CLN6: variants seen among roughly 807,000 people sequenced by gnomAD.
The protein encoded by CLN6 is ceroid-lipofuscinosis neuronal protein 6.
In CLN6, 22 loss-of-function variants were observed where a neutral mutation model predicts 33.3. The ratio of observed to expected loss-of-function variants is 0.66; its 90% CI spans 0.47 to 0.94. CLN6 has a LOEUF of 0.94. CLN6 is among the 40% of genes least tolerant of loss of function. CLN6 has a pLI of 0.00. For synonymous variants in CLN6, 201 were observed against 174.6 expected, an observed-to-expected ratio of 1.15 and a Z score of -1.19; for missense variants, 387 against 417.1, an observed-to-expected ratio of 0.93 and a Z score of 0.63.
intron 2 of CLN6, chr15:68,218,306 A>G: frequency 2.1e-6 from 1 of 467,298 alleles, no homozygotes; most frequent in South Asian, 2.0e-5. Context: ...CAGGACCACC[A>G]GTTCCCCCAT....
intron 1 of CLN6, among the ~76,000 whole-genome samples, chr15:68,249,759 CTATTGGACATTTCTTAT>C (rs1418847334): frequency 3.9e-4 from 60 of 152,232 alleles, no homozygotes; most frequent in Non-Finnish European, 3.5e-4. Context: ...TAACATTAAT[CTATTGGACATTTCTTAT>C]TATTTTTTTG....
chr15:68,210,601 C>T lies in CLN6; in HGVS notation c.542+662G>A, dbSNP rs974247905. 6.6e-6 allele frequency among the ~76,000 whole-genome samples: 1 copy of T among 152,222 alleles called. No individual in the cohort carries two copies. Among genetic ancestry groups the T allele is most frequent in the African/African-American group, 2.4e-5 (1 of 41,462 alleles). On this transcript the variant is annotated intron_variant, in intron 5 of 6. Coordinates refer to ENST00000249806, the MANE Select transcript of CLN6 (RefSeq NM_017882.3). This position sits in a 1 kb window ranked among gnomAD's most constrained non-coding sequence, Gnocchi z 5.6. Reference sequence around the variant, plus strand: ...GCTGCAGCCTTCGGAGCCCTCCTCCCTCTGGCCTCAGTTTCTCCTGGGTAA... The same window carrying T: ...GCTGCAGCCTTCGGAGCCCTCCTCCTTCTGGCCTCAGTTTCTCCTGGGTAA...
At chr15:68,222,525 G>A (rs1450608623) in intron 1 of CLN6, among the ~76,000 whole-genome samples, 20 of 150,282 alleles carry the variant, frequency 1.3e-4, no homozygotes, top group Admixed American at 2.0e-4. Context: ...TGGCCGCCCC[G>A]TCTGGGAAGT....
chr15:68,217,431 T>C (rs569649287), intron 2 of CLN6, among the ~76,000 whole-genome samples: 1 of 152,334 alleles, frequency 6.6e-6, no homozygotes, highest in South Asian at 2.1e-4. Context: ...GGTCTCATTA[T>C]ATTGCCCTGA....
chr15:68,213,213 T>C (rs921402877), intron 3 of CLN6: 2 of 150,554 alleles, frequency 1.3e-5, no homozygotes, highest in African/African-American at 2.4e-5. Context: ...TAAGCCACCA[T>C]GCCGGCCCTA....
Position 68,211,459 on chromosome 15 carries a change from G to C in CLN6, c.487-141C>G. On this transcript the variant is annotated intron_variant, in intron 4 of 6. Coordinates refer to ENST00000249806, the MANE Select transcript of CLN6 (RefSeq NM_017882.3). This position sits in a 1 kb window ranked among gnomAD's most constrained non-coding sequence, Gnocchi z 5.9. The stretch of plus-strand genomic sequence containing the variant: ...TGCCTTATTCCCTACCCGGGGCCTC[G>C]CCTTCTGTTACAGGGGCCCAGGTGG... 6.6e-7 allele frequency: 1 copy of C among 1,525,446 alleles called. No individual in the cohort carries two copies. The highest frequency in any genetic ancestry group is 9.0e-7 in the Non-Finnish European group (1 of 1,115,404). The allele number at this position is 1,525,446 out of a possible 1,614,324, so 94.5% of individuals were successfully genotyped here.
intron 1 of CLN6, among the ~76,000 whole-genome samples, chr15:68,250,073 A>G (rs984853951): frequency 2.5e-4 from 38 of 152,006 alleles, no homozygotes; most frequent in African/African-American, 8.5e-4. Context: ...GCCGGCCACT[A>G]TTGGACATTT....
chr15:68,253,950 T>A (rs980205133), intron 1 of CLN6, among the ~76,000 whole-genome samples: 1 of 151,064 alleles, frequency 6.6e-6, no homozygotes. Context: ...TTGCAGTGGC[T>A]CACTGCAAGC....
intron 1 of CLN6, among the ~76,000 whole-genome samples, chr15:68,253,276 G>C (rs962885791): frequency 1.3e-5 from 2 of 152,194 alleles, no homozygotes; most frequent in Non-Finnish European, 1.5e-5. Flanking sequence ...CATCTCAGGC[G>C]TACATCACTG....
Position 68,222,851 on chromosome 15 carries a change from T to G in CLN6, c.84-4201A>C, listed in dbSNP as rs144776325. Reference sequence around the variant, plus strand: ...CCCCAACCCCGTGCTCTCTGAAACATGTGCTGTGTCCACTCAGGGTTAAAT... The same window carrying G: ...CCCCAACCCCGTGCTCTCTGAAACAGGTGCTGTGTCCACTCAGGGTTAAAT... On this transcript the variant is annotated intron_variant, in intron 1 of 6. Transcript: ENST00000249806. Among the ~76,000 whole-genome samples the G allele has an allele frequency of 1.5e-3, 235 of 152,290 alleles. 3 individuals carry two copies. The East Asian group carries it at 0.042, about 27-fold the overall frequency.
chr15:68,229,592 C>T lies in CLN6; in HGVS notation c.-8G>A, dbSNP rs1485629658. The T allele has an allele frequency of 6.8e-7, 1 of 1,461,030 alleles. No individual in the cohort carries two copies. The highest frequency in any genetic ancestry group is 1.5e-5 in the African/African-American group (1 of 67,918). 90.5% of individuals were successfully genotyped at this position (1,461,030 alleles called of 1,614,324 possible). The stretch of plus-strand genomic sequence containing the variant: ...CCTCCGCGTCGCCTCCATGGCTGCC[C>T]CGCAGGCCCCTCGGCCCTGCCTTTC... On this transcript the variant is annotated 5_prime_UTR_variant, in exon 1 of 7. Transcript: ENST00000249806.
At position 68,209,507 on chromosome 15, in the gene CLN6, G is replaced by A. The variant is rs2093198373; in HGVS notation, c.665+130C>T. 7.6e-7 allele frequency: 1 copy of A among 1,310,634 alleles called. No individual in the cohort carries two copies. Among genetic ancestry groups the A allele is most frequent in the Non-Finnish European group, 1.1e-6 (1 of 923,454 alleles). The allele number at this position is 1,310,634 out of a possible 1,614,324, so 81.2% of individuals were successfully genotyped here. ...TTGTCACAGTCCCCACTAGACACAA[G>A]AAGAAGCACGGGCCCAAAGAGGGCC... On this transcript the variant is annotated intron_variant, in intron 6 of 6. Transcript: ENST00000249806. The surrounding 1 kb of genome is among the most constrained non-coding windows in gnomAD (Gnocchi z 4.9).
At position 68,243,147 on chromosome 15, in the gene CLN6, T is replaced by C. The variant is rs368383788; in HGVS notation, c.179+13543A>G. On this transcript the variant is annotated intron_variant, in intron 1 of 6. Coordinates refer to the CLN6 transcript ENST00000538696. ...GAGGGTTTTAAACATTGTCCTAACC[T>C]AAAAGAGTAATGGAACAAAACTGAA... Among the ~76,000 whole-genome samples the C allele has an allele frequency of 2.2e-4, 33 of 152,288 alleles. No individual in the cohort carries two copies. In the East Asian group the frequency reaches 5.8e-3, roughly 27 times the overall value.
Position 68,227,001 on chromosome 15 carries a change from T to C in CLN6, c.83+2501A>G, listed in dbSNP as rs952031934. 6.6e-6 allele frequency among the ~76,000 whole-genome samples: 1 copy of C among 152,082 alleles called. No individual in the cohort carries two copies. The highest frequency in any genetic ancestry group is 1.5e-5 in the Non-Finnish European group (1 of 68,014). On this transcript the variant is annotated intron_variant, in intron 1 of 6. Coordinates refer to ENST00000249806, the MANE Select transcript of CLN6 (RefSeq NM_017882.3). The surrounding 1 kb of genome is among the most constrained non-coding windows in gnomAD (Gnocchi z 4.1). ...CTTGAAGCCTTTGCTATTTGATTTA[T>C]CACGGGCACTAATTATAATACTTTC...
rs1210965564 is a variant in CLN6 at position 68,234,744 on chromosome 15, C to G, written c.180-16094G>C. 6.6e-6 allele frequency among the ~76,000 whole-genome samples: 1 copy of G among 152,170 alleles called. No homozygotes were observed. Among genetic ancestry groups the G allele is most frequent in the Non-Finnish European group, 1.5e-5 (1 of 68,028 alleles). On this transcript the variant is annotated intron_variant, in intron 1 of 6. Coordinates refer to the CLN6 transcript ENST00000538696. The surrounding 1 kb of genome is among the most constrained non-coding windows in gnomAD (Gnocchi z 4.1). ...CTTAACAGTTGACAAAGGCCGGGCGCGGTGGCTCACGCATGTAATCCCAGC... is the reference window on the plus strand; with the variant it reads ...CTTAACAGTTGACAAAGGCCGGGCGGGGTGGCTCACGCATGTAATCCCAGC...
upstream of CLN6, among the ~76,000 whole-genome samples, chr15:68,230,962 AGAAGGGATGTGCCTCTTG>A (rs1031371349): frequency 2.0e-5 from 3 of 152,314 alleles, no homozygotes; most frequent in Admixed American, 6.5e-5. This position sits in a 1 kb window ranked among gnomAD's most constrained non-coding sequence, Gnocchi z 4.0. Flanking sequence ...AAGCCGCTGC[AGAAGGGATGTGCCTCTTG>A]GAAGGGATGT....
rs891799343 is a variant in CLN6 at position 68,208,997 on chromosome 15, G to A, written c.666-587C>T. Among the ~76,000 whole-genome samples, 1 of 152,150 alleles carries A rather than the reference G, an allele frequency of 6.6e-6. No homozygotes were observed. The highest frequency in any genetic ancestry group is 1.5e-5 in the Non-Finnish European group (1 of 68,026). On this transcript the variant is annotated intron_variant, in intron 6 of 6. Coordinates refer to ENST00000249806, the MANE Select transcript of CLN6 (RefSeq NM_017882.3). This position sits in a 1 kb window ranked among gnomAD's most constrained non-coding sequence, Gnocchi z 5.8. ...TCAGAGAAGGGTCCAGTCCTGCCCC[G>A]ACCCTGTCCTTCCCATGATACCCAC...
rs1347211967 is a variant in CLN6 at position 68,219,192 on chromosome 15, G to A, written c.84-542C>T. Among the ~76,000 whole-genome samples the A allele has an allele frequency of 6.6e-6, 1 of 152,120 alleles. No homozygotes were observed. Among genetic ancestry groups the A allele is most frequent in the East Asian group, 1.9e-4 (1 of 5,190 alleles). ...CTAAGGATTTGAACCCAAATGATTG[G>A]GCTCCTGAGCTTATACTTTTAACCT... On this transcript the variant is annotated intron_variant, in intron 1 of 6. Transcript: ENST00000249806. The surrounding 1 kb of genome is among the most constrained non-coding windows in gnomAD (Gnocchi z 4.2).
chr15:68,214,161 T>C, intron 3 of CLN6, 129 bp downstream of exon 3: 2 of 752,298 alleles, frequency 2.7e-6, no homozygotes, highest in Non-Finnish European at 4.7e-6. Context: ...TGCTGCTCTG[T>C]CACAGCCTTC....
Sources: gnomAD v4.1 joint callset for allele counts (sites outside exome capture counted in the v4.1 genomes callset) on GRCh38, gnomAD v4.1.1 for gene constraint, Gnocchi (gnomAD v3.1) non-coding constraint, MANE v1.5 for transcripts, NCBI Gene and HGNC (gene_info 2026-07-23, HGNC 2026-07-21) for gene names.